The following NRTN variants were observed in gnomAD, a reference collection of about 807,000 sequenced individuals.
The protein encoded by NRTN is prepro-neurturin.
A neutral mutation model predicts 7.5 loss-of-function variants in NRTN; 3 were observed. The observed-to-expected ratio is 0.40, with a 90% CI of 0.18 to 1.03. The LOEUF is 1.03. Among genes scored for constraint, NRTN ranks in the 50% least tolerant of loss-of-function variants. NRTN has a pLI of 0.34. For missense variants in NRTN, 310 were observed against 307.0 expected (o/e 1.01, Z -0.07); for synonymous variants, 157 against 146.6 (o/e 1.07, Z -0.51).
intron 2 of NRTN, 45 bp downstream of exon 2, chr19:5,824,379 G>C: frequency 6.4e-7 from 1 of 1,561,414 alleles, no homozygotes; most frequent in Non-Finnish European, 8.6e-7. Context: ...CAACGTAAGG[G>C]GTAGAATTTC....
intron 1 of NRTN, among the ~76,000 whole-genome samples, chr19:5,816,168 T>C (rs1159637537): frequency 6.6e-6 from 1 of 152,142 alleles, no homozygotes; most frequent in Non-Finnish European, 1.5e-5. Flanking sequence ...CCCAAAGTGC[T>C]GGGATTATAG....
rs1227844725 is a variant in NRTN at position 5,806,005 on chromosome 19, G to A, written c.-399+554G>A. Reference sequence around the variant, plus strand: ...GGGCCGGGCCCTCTCGGCTCCTGGAGCAGCCCGTTCAGCCACCAGAGGGCG... The same window carrying A: ...GGGCCGGGCCCTCTCGGCTCCTGGAACAGCCCGTTCAGCCACCAGAGGGCG... On this transcript the variant is annotated intron_variant, in intron 1 of 2. Coordinates refer to ENST00000303212, the MANE Select transcript of NRTN (RefSeq NM_004558.5). This position sits in a 1 kb window ranked among gnomAD's most constrained non-coding sequence, Gnocchi z 5.4. Among the ~76,000 whole-genome samples, 1 of 152,172 alleles carries A rather than the reference G, an allele frequency of 6.6e-6. No homozygotes were observed. Among genetic ancestry groups the A allele is most frequent in the Non-Finnish European group, 1.5e-5 (1 of 68,034 alleles).
Position 5,827,976 on chromosome 19 carries a change from G to A in NRTN, c.397G>A (p.Ala133Thr). The change falls in exon 3 of 3, where the codon GCC becomes ACC. Residue 133 changes from alanine to threonine, a missense_variant. Coordinates refer to ENST00000303212, the MANE Select transcript of NRTN (RefSeq NM_004558.5). ...ETVLFRYCAG[A>T]CEAAARVYDL... ...GGTGCTGTTCCGCTACTGCGCAGGC[G>A]CCTGCGAGGCTGCCGCGCGCGTCTA... 1 of 1,469,488 alleles carries A rather than the reference G, an allele frequency of 6.8e-7. No individual in the cohort carries two copies. The highest frequency in any genetic ancestry group is 1.5e-5 in the African/African-American group (1 of 68,926). 91.0% of individuals were successfully genotyped at this position (1,469,488 alleles called of 1,614,324 possible). A position where few individuals can be genotyped will look rare whatever the true frequency, so the allele number is the denominator to read the frequency against.
intron 1 of NRTN, among the ~76,000 whole-genome samples, chr19:5,810,592 T>C (rs1166449583): frequency 2.0e-5 from 3 of 152,084 alleles, no homozygotes; most frequent in Non-Finnish European, 2.9e-5. Context: ...ATAGCCAACA[T>C]TGCTGGTGTT....
intron 1 of NRTN, among the ~76,000 whole-genome samples, chr19:5,813,911 G>A (rs995286025): frequency 6.6e-6 from 1 of 152,070 alleles, no homozygotes; most frequent in Non-Finnish European, 1.5e-5. Flanking sequence ...GGGAGGCTGA[G>A]GCAGGAGAAT....
chr19:5,827,809 C>T lies in NRTN; in HGVS notation c.230C>T (p.Ala77Val), dbSNP rs776007736. ...AMELRELTPW[A>V]GRPPGPRRRA... ...GAGCTGCGCGAGCTGACGCCCTGGGCTGGGCGGCCCCCAGGTCCGCGCCGT... is the reference window on the plus strand; with the variant it reads ...GAGCTGCGCGAGCTGACGCCCTGGGTTGGGCGGCCCCCAGGTCCGCGCCGT... The change falls in exon 3 of 3, where the codon GCT (alanine) becomes GTT (valine). Residue 77 changes from alanine (A) to valine (V), a missense_variant. Physicochemically the swap from Ala to Val is moderately conservative, Grantham distance 64. Coordinates refer to ENST00000303212, the MANE Select transcript of NRTN (RefSeq NM_004558.5). The T allele has an allele frequency of 2.6e-6, 3 of 1,175,158 alleles. No individual in the cohort carries two copies. Among genetic ancestry groups the T allele is most frequent in the Non-Finnish European group, 3.2e-6 (3 of 951,966 alleles). The allele number at this position is 1,175,158 out of a possible 1,614,324, so 72.8% of individuals were successfully genotyped here.
At chr19:5,809,816 C>T (rs139930442) in intron 1 of NRTN, among the ~76,000 whole-genome samples, 7 of 152,312 alleles carry the variant, frequency 4.6e-5, no homozygotes, top group Non-Finnish European at 8.8e-5. Flanking sequence ...TCTCAAACAG[C>T]AGGTCCTACG....
rs976552167 is a variant in NRTN, at chr19:5,823,081, A to G, written c.-398-687A>G. On this transcript the variant is annotated intron_variant, in intron 1 of 2. Transcript: ENST00000303212. ...AAAGGAAAGAAAGGAAGAGAAAAAG[A>G]AAGAGAGAAGAAAGAAAGAAAAAGG... 4.3e-5 allele frequency among the ~76,000 whole-genome samples: 5 copies of G among 115,756 alleles called. No individual in the cohort carries two copies. In the East Asian group the frequency reaches 1.0e-3, roughly 23 times the overall value. The allele number at this position is 115,756 out of a possible 152,430, so 75.9% of individuals were successfully genotyped here.
At chr19:5,825,790 G>A (rs1054701332) in intron 2 of NRTN, among the ~76,000 whole-genome samples, 6 of 152,220 alleles carry the variant, frequency 3.9e-5, no homozygotes, top group African/African-American at 1.2e-4. Flanking sequence ...TCTAGCCCCT[G>A]TGCAAGCAGC....
At chr19:5,810,165 G>A (rs2144756162) in intron 1 of NRTN, among the ~76,000 whole-genome samples, 1 of 151,288 alleles carries the variant, frequency 6.6e-6, no homozygotes, top group South Asian at 2.1e-4. Context: ...TACTCGGGAG[G>A]CCGAGGCAGG....
chr19:5,812,236 C>T (rs2056992754), intron 1 of NRTN, among the ~76,000 whole-genome samples: 1 of 152,036 alleles, frequency 6.6e-6, no homozygotes, highest in South Asian at 2.1e-4. Context: ...CATACTCCTC[C>T]CCAGAAACCA....
chr19:5,826,106 G>A (rs988605580), intron 2 of NRTN, among the ~76,000 whole-genome samples: 14 of 151,566 alleles, frequency 9.2e-5, no homozygotes, highest in Non-Finnish European at 1.9e-4. Context: ...CTGCACTCCA[G>A]CCTGGGCGAC....
rs749119790 is a variant in NRTN, at chr19:5,827,770, C to G, written c.191C>G (p.Ala64Gly). ...GCAGACCGTGCACTCCTGCAGGGGG[C>G]CCCGGATGCGATGGAGCTGCGCGAG... ...LAQYRALLQG[A>G]PDAMELRELT... is the part of the protein sequence containing the mutation. The change falls in exon 3 of 3, where the codon GCC becomes GGC. Residue 64 changes from alanine to glycine, a missense_variant. By Grantham distance (60) the Ala-to-Gly change is moderately conservative. Transcript: ENST00000303212. 1.7e-6 allele frequency: 2 copies of G among 1,192,878 alleles called. No individual in the cohort carries two copies. Among genetic ancestry groups the G allele is most frequent in the African/African-American group, 1.6e-5 (1 of 62,458 alleles). 73.9% of individuals were successfully genotyped at this position (1,192,878 alleles called of 1,614,324 possible).
In NRTN at chr19:5,824,173, G is replaced by A. The variant is rs1303670972; in HGVS notation, c.8G>A (p.Arg3His). Residue 3 changes from arginine (R) to histidine (H), a missense_variant, in exon 2 of 3, where the codon CGC (arginine) becomes CAC (histidine). Transcript: ENST00000303212. ...CGTGCCCGCAGGCTGAGGATGCAGC[G>A]CTGGAAGGCGGCGGCCTTGGCCTCA... MQRWKAAALASVL... is the reference protein window; with the variant it reads MQHWKAAALASVL... 11 of 1,608,210 alleles carry A rather than the reference G, an allele frequency of 6.8e-6. No homozygotes were observed. The highest frequency in any genetic ancestry group is 1.8e-4 in the Middle Eastern group (1 of 5,410).
Position 5,828,156 on chromosome 19 carries a change from G to C in NRTN, c.577G>C (p.Glu193Gln), listed in dbSNP as rs913615480. Residue 193 changes from glutamate (E) to glutamine (Q), a missense_variant, in exon 3 of 3, where the codon GAG becomes CAG. Physicochemically the swap from Glu to Gln is conservative, Grantham distance 29 (BLOSUM62 2). Coordinates refer to ENST00000303212, the MANE Select transcript of NRTN (RefSeq NM_004558.5). ...CACGGTGCACGAGCTGTCGGCGCGC[G>C]AGTGCGCCTGCGTGTGACCCTACCT... ...YHTVHELSAR[E>Q]CACV The C allele has an allele frequency of 9.2e-5, 140 of 1,530,030 alleles. No homozygotes were observed. The highest frequency in any genetic ancestry group is 1.1e-4 in the Non-Finnish European group (128 of 1,144,198). 94.8% of individuals were successfully genotyped at this position (1,530,030 alleles called of 1,614,324 possible).
At chr19:5,805,892 G>T (rs936209025) in intron 1 of NRTN, among the ~76,000 whole-genome samples, 1 of 152,078 alleles carries the variant, frequency 6.6e-6, no homozygotes, top group Non-Finnish European at 1.5e-5. Flanking sequence ...TGCCGTCGCG[G>T]TCCAGCTGCG....
chr19:5,818,285 C>T (rs1005652199), intron 1 of NRTN, among the ~76,000 whole-genome samples: 6 of 152,048 alleles, frequency 3.9e-5, no homozygotes, highest in East Asian at 1.9e-4. Context: ...CGTTTGAGCA[C>T]GCAAGTGTGC....
chr19:5,805,341 G>C lies in NRTN; in HGVS notation c.-509G>C, dbSNP rs1272475786. On this transcript the variant is annotated 5_prime_UTR_variant, in exon 1 of 3. Transcript: ENST00000303212. ...CCCGCGGCCGCCCCCTCCGGCCCGG[G>C]CCCCCCCCGGGCACCGCGGGCCCAG... Among the ~76,000 whole-genome samples the C allele has an allele frequency of 2.1e-5, 3 of 145,458 alleles. No homozygotes were observed. Among genetic ancestry groups the C allele is most frequent in the African/African-American group, 4.9e-5 (2 of 40,532 alleles).
chr19:5,823,795 TC>T lies in NRTN; in HGVS notation c.-369del, dbSNP rs1460573365. Reference sequence around the variant, plus strand: ...GCAGCCGCTCCGGCCTCCTTGCTGTTCCTGGGATACGCCACACTCAGTCTGG... The same window carrying T: ...GCAGCCGCTCCGGCCTCCTTGCTGTTCTGGGATACGCCACACTCAGTCTGG... On this transcript the variant is annotated 5_prime_UTR_variant, in exon 2 of 3. The change creates a premature stop within an existing upstream ORF in the 5' untranslated region. Coordinates refer to ENST00000303212, the MANE Select transcript of NRTN (RefSeq NM_004558.5). 3.7e-5 allele frequency: 14 copies of T among 380,968 alleles called. No homozygotes were observed. Among genetic ancestry groups the T allele is most frequent in the Middle Eastern group, 8.1e-4 (1 of 1,234 alleles). 23.6% of individuals were successfully genotyped at this position (380,968 alleles called of 1,614,324 possible).
Sources: gnomAD v4.1 joint callset for allele counts (sites outside exome capture counted in the v4.1 genomes callset) on GRCh38, gnomAD v4.1.1 for gene constraint, Gnocchi (gnomAD v3.1) non-coding constraint, MANE v1.5 for transcripts, NCBI Gene and HGNC (gene_info 2026-07-23, HGNC 2026-07-21) for gene names.